The following FOXP2 variants were observed in gnomAD, a reference collection of about 807,000 sequenced individuals.
The protein encoded by FOXP2 is forkhead box P2.
A neutral mutation model predicts 115.8 loss-of-function variants in FOXP2; 12 were observed. That is an observed-to-expected ratio of 0.10 (90% CI 0.07 to 0.17). FOXP2 has a LOEUF of 0.17. Ranked by LOEUF, FOXP2 falls within the 10% of genes least tolerant of loss-of-function variation. The pLI is 1.00. For missense variants in FOXP2, 629 were observed against 843.5 expected (o/e 0.75, Z 3.15); for synonymous variants, 328 against 297.7 (o/e 1.10, Z -1.05).
At chr7:114,661,417 C>T (rs1806853764) in intron 13 of FOXP2, among the ~76,000 whole-genome samples, 1 of 151,960 alleles carries the variant, frequency 6.6e-6, no homozygotes, top group African/African-American at 2.4e-5. Context: ...AGAAAATGTA[C>T]TCTCGGGTTC....
intron 2 of FOXP2, among the ~76,000 whole-genome samples, chr7:114,508,113 ATAAT>A (rs1413919844): frequency 2.0e-5 from 3 of 152,076 alleles, no homozygotes; most frequent in Non-Finnish European, 2.9e-5. Context: ...ATTTTATTAA[ATAAT>A]TAAAGTATTA....
intron 1 of FOXP2, among the ~76,000 whole-genome samples, chr7:114,219,240 C>G (rs1199503556): frequency 1.3e-5 from 2 of 151,814 alleles, no homozygotes; most frequent in Admixed American, 6.5e-5. Flanking sequence ...TGATTTAAAC[C>G]ATTTCAGTGA....
At chr7:114,535,252 T>C (rs1799322989) in intron 3 of FOXP2, among the ~76,000 whole-genome samples, 1 of 151,696 alleles carries the variant, frequency 6.6e-6, no homozygotes, top group Admixed American at 6.6e-5. Context: ...TGATAGTATG[T>C]ATGTCTTTTA....
chr7:114,308,735 T>A (rs1385671501), intron 2 of FOXP2, among the ~76,000 whole-genome samples: 1 of 152,176 alleles, frequency 6.6e-6, no homozygotes, highest in Admixed American at 6.5e-5. Context: ...ATCTTTGCAA[T>A]AAAAGATGTA....
intron 10 of FOXP2, 75 bp from the exon 11 acceptor site, chr7:114,657,991 C>A: frequency 6.5e-7 from 1 of 1,536,202 alleles, no homozygotes; most frequent in Non-Finnish European, 9.0e-7. Context: ...TGAATCCACT[C>A]TCATTTGTCA....
intron 1 of FOXP2, among the ~76,000 whole-genome samples, chr7:114,255,604 A>T (rs566979705): frequency 2.6e-5 from 4 of 152,324 alleles, no homozygotes; most frequent in African/African-American, 7.2e-5. Context: ...GGCGGGCAAT[A>T]TAATCTCCTG....
intron 1 of FOXP2, among the ~76,000 whole-genome samples, chr7:114,099,598 G>A (rs561389754): frequency 6.6e-6 from 1 of 152,280 alleles, no homozygotes; most frequent in South Asian, 2.1e-4. Flanking sequence ...ATTCACAGTA[G>A]CCAAGATATG....
chr7:114,267,916 C>T (rs902496722), intron 1 of FOXP2, among the ~76,000 whole-genome samples: 1 of 151,706 alleles, frequency 6.6e-6, no homozygotes, highest in Non-Finnish European at 1.5e-5. Flanking sequence ...TTTTATCTTC[C>T]AAAATTGAAA....
intron 7 of FOXP2, among the ~76,000 whole-genome samples, chr7:114,643,066 C>T (rs1210169180): frequency 6.6e-6 from 1 of 151,616 alleles, no homozygotes; most frequent in African/African-American, 2.4e-5. Context: ...CTGCTTCGGC[C>T]TCCCAAAGTG....
intron 2 of FOXP2, among the ~76,000 whole-genome samples, chr7:114,491,046 G>T (rs976288974): frequency 9.2e-5 from 14 of 152,140 alleles, no homozygotes; most frequent in African/African-American, 3.4e-4. Flanking sequence ...GGGCCAAATG[G>T]TATTTCTAGT....
chr7:114,115,962 C>A (rs796393058), intron 1 of FOXP2, among the ~76,000 whole-genome samples: 5 of 152,204 alleles, frequency 3.3e-5, no homozygotes, highest in South Asian at 2.1e-4. Context: ...ATTTAAAGTG[C>A]CTTCCATGAT....
At chr7:114,174,314 T>G (rs6964153) in intron 1 of FOXP2, among the ~76,000 whole-genome samples, 103,785 of 151,850 alleles carry the variant, frequency 0.68, 40,314 homozygotes, top group Non-Finnish European at 0.87. Context: ...CTTATAGGAA[T>G]GATATAGTTG....
intron 2 of FOXP2, among the ~76,000 whole-genome samples, chr7:114,435,758 C>T (rs187554090): frequency 8.8e-4 from 134 of 152,212 alleles, no homozygotes; most frequent in African/African-American, 3.1e-3. Flanking sequence ...AGGCTTGTCT[C>T]GAGCTCCTGA....
rs368977315 is a variant in FOXP2 at position 114,593,706 on chromosome 7, C to T, written c.259-34834C>T. 1.3e-4 allele frequency among the ~76,000 whole-genome samples: 20 copies of T among 151,942 alleles called. No homozygotes were observed. The East Asian group carries it at 1.3e-3, about 10-fold the overall frequency. On this transcript the variant is annotated intron_variant, in intron 3 of 16. Transcript: ENST00000350908. ...TTGCAGAGTGTCTGGTTTTCTATAACACATCTCTGTGAAACACTATTACAT... is the reference window on the plus strand; with the variant it reads ...TTGCAGAGTGTCTGGTTTTCTATAATACATCTCTGTGAAACACTATTACAT...
intron 2 of FOXP2, among the ~76,000 whole-genome samples, chr7:114,455,718 T>C (rs1795286606): frequency 1.3e-5 from 2 of 152,198 alleles, no homozygotes; most frequent in South Asian, 4.1e-4. Flanking sequence ...ACACAATTAA[T>C]TTCCCACATT....
chr7:114,682,266 G>A (rs556901277), intron 16 of FOXP2, among the ~76,000 whole-genome samples: 9 of 152,150 alleles, frequency 5.9e-5, no homozygotes, highest in South Asian at 4.1e-4. Context: ...TCACTGCTGC[G>A]TGACTAAATA....
intron 2 of FOXP2, among the ~76,000 whole-genome samples, chr7:114,496,140 A>G (rs1377761723): frequency 6.6e-6 from 1 of 152,182 alleles, no homozygotes; most frequent in Non-Finnish European, 1.5e-5. Flanking sequence ...AAAAAAATCT[A>G]TAATAATCCT....
At chr7:114,219,225 T>C (rs113295873) in intron 1 of FOXP2, among the ~76,000 whole-genome samples, 2,754 of 152,234 alleles carry the variant, frequency 0.018, 92 homozygotes, top group African/African-American at 0.061. Context: ...ATTTTAATTA[T>C]ATGTTGATTT....
intron 1 of FOXP2, among the ~76,000 whole-genome samples, chr7:114,174,520 C>T (rs1793235584): frequency 6.6e-6 from 1 of 151,982 alleles, no homozygotes; most frequent in Non-Finnish European, 1.5e-5. Flanking sequence ...GGAGAAATAG[C>T]TTTTTTCTTC....
Sources: allele counts gnomAD v4.1 joint callset (sites outside exome capture counted in the v4.1 genomes callset), GRCh38; gene constraint gnomAD v4.1.1; transcripts MANE v1.5; gene names NCBI Gene and HGNC (gene_info 2026-07-23, HGNC 2026-07-21).